Variants in UHRF2 observed in about 807,000 individuals in gnomAD.
UHRF2 encodes the protein E3 ubiquitin-protein ligase UHRF2.
Under a neutral mutation model 96.8 loss-of-function variants are expected in UHRF2, and 23 were observed. That is an observed-to-expected ratio of 0.24 (90% CI 0.17 to 0.34). The LOEUF is 0.34. UHRF2 is among the 10% of genes least tolerant of loss of function. The probability of loss-of-function intolerance (pLI) is 1.00; values close to 1 mark genes in which losing one functional copy is unlikely to be tolerated. For missense variants in UHRF2, 685 were observed against 981.5 expected (o/e 0.70, Z 4.04); for synonymous variants, 385 against 332.6 (o/e 1.16, Z -1.72).
intron 3 of UHRF2, among the ~76,000 whole-genome samples, chr9:6,451,713 C>T (rs917812148): frequency 5.3e-5 from 8 of 152,118 alleles, no homozygotes; most frequent in Admixed American, 5.2e-4. Flanking sequence ...CCTCGTGATC[C>T]GCCTTTCTCG....
chr9:6,488,551 T>A (rs71490274), intron 9 of UHRF2, among the ~76,000 whole-genome samples: 1 of 140,992 alleles, frequency 7.1e-6, no homozygotes, highest in Admixed American at 7.1e-5. Context: ...TTTTTTTTTT[T>A]TTTTTTTTTT....
intron 6 of UHRF2, among the ~76,000 whole-genome samples, chr9:6,480,104 C>A (rs1823835318): frequency 6.6e-6 from 1 of 152,192 alleles, no homozygotes; most frequent in African/African-American, 2.4e-5. Context: ...TATCACTAAC[C>A]TGTTTACTTA....
chr9:6,476,392 C>T (rs796381026), intron 5 of UHRF2, among the ~76,000 whole-genome samples: 14 of 152,198 alleles, frequency 9.2e-5, no homozygotes, highest in African/African-American at 3.4e-4. Context: ...TATTTTTACA[C>T]GAGTAAAGCC....
In UHRF2 at chr9:6,506,555, G is replaced by A. The variant is rs1243883434; in HGVS notation, c.*376G>A. The A allele has an allele frequency of 1.9e-5, 3 of 160,020 alleles. No individual in the cohort carries two copies. Among genetic ancestry groups the A allele is most frequent in the Admixed American group, 6.3e-5 (1 of 15,774 alleles). The allele number at this position is 160,020 out of a possible 1,614,324, so 9.9% of individuals were successfully genotyped here. A position where few individuals can be genotyped will look rare whatever the true frequency, so the allele number is the denominator to read the frequency against. On this transcript the variant is annotated 3_prime_UTR_variant, in exon 16 of 16. Coordinates refer to ENST00000276893, the MANE Select transcript of UHRF2 (RefSeq NM_152896.3). ...ACACACTGCCTCCCAAATATTAGTT[G>A]TGCCTGGTTCTTGTAATTTGATTTT...
At chr9:6,481,500 G>A in intron 6 of UHRF2, 143 bp from the exon 7 acceptor site, 2 of 855,840 alleles carry the variant, frequency 2.3e-6, no homozygotes. Flanking sequence ...GAAAAGTTTA[G>A]TATTTTAATG....
chr9:6,506,578 T>G lies in UHRF2; in HGVS notation c.*399T>G, dbSNP rs1816594860. 1 of 156,774 alleles carries G rather than the reference T, an allele frequency of 6.4e-6. No homozygotes were observed. The highest frequency in any genetic ancestry group is 2.0e-4 in the South Asian group (1 of 5,060). The allele number at this position is 156,774 out of a possible 1,614,324, so 9.7% of individuals were successfully genotyped here. A position where few individuals can be genotyped will look rare whatever the true frequency, so the allele number is the denominator to read the frequency against. ...TTGTGCCTGGTTCTTGTAATTTGATTTTACAGAAAAGGAAATGACACTTGA... is the reference window on the plus strand; with the variant it reads ...TTGTGCCTGGTTCTTGTAATTTGATGTTACAGAAAAGGAAATGACACTTGA... On this transcript the variant is annotated 3_prime_UTR_variant, in exon 16 of 16. Coordinates refer to ENST00000276893, the MANE Select transcript of UHRF2 (RefSeq NM_152896.3).
At chr9:6,413,762 C>A in intron 1 of UHRF2, 119 bp downstream of exon 1, 1 of 1,242,534 alleles carries the variant, frequency 8.0e-7, no homozygotes, top group Non-Finnish European at 1.0e-6. Flanking sequence ...GGCTCCGCTG[C>A]GGGTGGGCAG....
intron 4 of UHRF2, among the ~76,000 whole-genome samples, chr9:6,464,264 G>A (rs1003015711): frequency 1.3e-5 from 2 of 152,098 alleles, no homozygotes; most frequent in Admixed American, 1.3e-4. Context: ...TTCCAATTTG[G>A]TGACTTTTTT....
chr9:6,446,362 C>T (rs1005745546), intron 3 of UHRF2, among the ~76,000 whole-genome samples: 7 of 151,704 alleles, frequency 4.6e-5, no homozygotes, highest in Admixed American at 1.3e-4. Flanking sequence ...AGGCTGGTCT[C>T]GAACTCATGG....
chr9:6,487,403 G>C (rs1824367360), intron 9 of UHRF2, among the ~76,000 whole-genome samples: 1 of 151,770 alleles, frequency 6.6e-6, no homozygotes, highest in Non-Finnish European at 1.5e-5. Context: ...TTTTACTCTT[G>C]TCACCTAGAC....
intron 15 of UHRF2, 115 bp from the exon 16 acceptor site, chr9:6,505,918 C>T: frequency 1.9e-6 from 2 of 1,072,632 alleles, no homozygotes; most frequent in Non-Finnish European, 2.7e-6. Context: ...TATGTTTGTT[C>T]ATTCTGTACA....
chr9:6,446,997 T>G (rs1474102307), intron 3 of UHRF2, among the ~76,000 whole-genome samples: 1 of 152,090 alleles, frequency 6.6e-6, no homozygotes, highest in African/African-American at 2.4e-5. Flanking sequence ...CACGCCATTC[T>G]CTTGCCTCAG....
chr9:6,413,449 C>T lies in UHRF2; in HGVS notation c.-42C>T. On this transcript the variant is annotated 5_prime_UTR_variant, in exon 1 of 16. Coordinates refer to ENST00000276893, the MANE Select transcript of UHRF2 (RefSeq NM_152896.3). Reference sequence around the variant, plus strand: ...CGGGCGGGGCGCGGCGCCCAGAGCTCAGGGGGAGACAAAGGGGACCGGTTC... The same window carrying T: ...CGGGCGGGGCGCGGCGCCCAGAGCTTAGGGGGAGACAAAGGGGACCGGTTC... 6.9e-7 allele frequency: 1 copy of T among 1,451,930 alleles called. No homozygotes were observed. Among genetic ancestry groups the T allele is most frequent in the Non-Finnish European group, 9.2e-7 (1 of 1,088,142 alleles). The allele number at this position is 1,451,930 out of a possible 1,614,324, so 89.9% of individuals were successfully genotyped here. A position where few individuals can be genotyped will look rare whatever the true frequency, so the allele number is the denominator to read the frequency against.
chr9:6,413,649 GCGCGC>G lies in UHRF2; in HGVS notation c.153+8_153+12del. ...TCTTCTACCGGGGCAAGCAGGTGAG[GCGCGC>G]CCGCCGCGCCCCTAGCGAGGCTGGG... On this transcript the variant is annotated splice_region_variant and intron_variant, in intron 1 of 15. Transcript: ENST00000276893. The G allele has an allele frequency of 6.4e-7, 1 of 1,560,916 alleles. No individual in the cohort carries two copies. Among genetic ancestry groups the G allele is most frequent in the Non-Finnish European group, 8.6e-7 (1 of 1,157,812 alleles).
chr9:6,459,454 A>C (rs1822391553), intron 3 of UHRF2, among the ~76,000 whole-genome samples: 1 of 152,124 alleles, frequency 6.6e-6, no homozygotes, highest in Non-Finnish European at 1.5e-5. Flanking sequence ...GGATCACCTG[A>C]GGTCAGGAGT....
chr9:6,438,836 C>G (rs1820998700), intron 3 of UHRF2, among the ~76,000 whole-genome samples: 1 of 152,168 alleles, frequency 6.6e-6, no homozygotes, highest in South Asian at 2.1e-4. Flanking sequence ...AATAGCTATT[C>G]TCTTGCATTT....
At chr9:6,489,119 C>T (rs1246267207) in intron 9 of UHRF2, among the ~76,000 whole-genome samples, 3 of 152,102 alleles carry the variant, frequency 2.0e-5, no homozygotes, top group Non-Finnish European at 4.4e-5. Context: ...CTCATTTCTT[C>T]CTGTAATTTT....
intron 9 of UHRF2, among the ~76,000 whole-genome samples, chr9:6,487,398 C>T (rs1054141243): frequency 2.0e-5 from 3 of 151,766 alleles, no homozygotes; most frequent in Admixed American, 1.3e-4. Flanking sequence ...CGGAGTTTTA[C>T]TCTTGTCACC....
intron 11 of UHRF2, 82 bp downstream of exon 11, chr9:6,497,442 G>A: frequency 6.7e-7 from 1 of 1,487,330 alleles, no homozygotes; most frequent in Non-Finnish European, 9.1e-7. Flanking sequence ...TACTGTGGGT[G>A]GGCTCGAGGA....
Sources: gnomAD v4.1 joint callset for allele counts (sites outside exome capture counted in the v4.1 genomes callset) on GRCh38, gnomAD v4.1.1 for gene constraint, MANE v1.5 for transcripts, NCBI Gene and HGNC (gene_info 2026-07-23, HGNC 2026-07-21) for gene names.